The following PDE4B variants were observed in gnomAD, a reference collection of about 807,000 sequenced individuals.
The protein encoded by PDE4B is phosphodiesterase 4B, also known as 3',5'-cyclic-AMP phosphodiesterase 4B.
A neutral mutation model predicts 82.2 loss-of-function variants in PDE4B; 20 were observed. The ratio of observed to expected loss-of-function variants is 0.24; its 90% confidence interval spans 0.17 to 0.35. PDE4B has a LOEUF of 0.35. PDE4B is among the 10% of genes least tolerant of loss of function. The pLI, the probability that PDE4B is intolerant of heterozygous loss-of-function variation, is 1.00. For missense variants in PDE4B, 655 were observed against 907.2 expected (o/e 0.72, Z 3.57); for synonymous variants, 320 against 318.9 (o/e 1.00, Z -0.04).
intron 3 of PDE4B, among the ~76,000 whole-genome samples, chr1:65,991,373 G>A (rs537511694): frequency 6.6e-6 from 1 of 152,058 alleles, no homozygotes; most frequent in Non-Finnish European, 1.5e-5. Flanking sequence ...GAGCCACCAC[G>A]CTCAGCCCAA....
In PDE4B at chr1:66,304,735, C is replaced by T. The variant is rs898886775; in HGVS notation, c.635-27773C>T. ...GACCCAGTGAGGAGAATGGGGAAAG[C>T]AGGGACATACAGGGTTGGAAAATGT... On this transcript the variant is annotated intron_variant, in intron 7 of 16. Transcript: ENST00000341517. 2.0e-5 allele frequency among the ~76,000 whole-genome samples: 3 copies of T among 152,100 alleles called. No individual in the cohort carries two copies. The South Asian group carries it at 6.2e-4, about 32-fold the overall frequency.
intron 3 of PDE4B, among the ~76,000 whole-genome samples, chr1:65,989,288 GCCAGGAGTTTGAGA>G (rs1201491684): frequency 6.6e-6 from 1 of 152,040 alleles, no homozygotes; most frequent in African/African-American, 2.4e-5. Context: ...ATTACATGAG[GCCAGGAGTTTGAGA>G]CCAGCCTGGC....
At chr1:65,826,965 G>T (rs1280169175) in intron 1 of PDE4B, among the ~76,000 whole-genome samples, 1 of 152,130 alleles carries the variant, frequency 6.6e-6, no homozygotes, top group African/African-American at 2.4e-5. Context: ...TTTGAGAGAG[G>T]TGCAAAGGGA....
At chr1:66,161,266 C>T (rs1034304982) in intron 3 of PDE4B, among the ~76,000 whole-genome samples, 1 of 149,852 alleles carries the variant, frequency 6.7e-6, no homozygotes, top group Non-Finnish European at 1.5e-5. Flanking sequence ...CAGGTACAGG[C>T]GTCAAACCTG....
rs200925983 is a variant in PDE4B, at chr1:66,090,616, A to ATGTGTGTGTGTGTGT, written c.282-156844_282-156843insTGTGTGTGTGTGTGT. ...CAAAATTATATATATATATGTATAT[A>ATGTGTGTGTGTGTGT]ATATATGTGTGTGTGTGTGTGTGTA... On this transcript the variant is annotated intron_variant, in intron 3 of 16. Coordinates refer to ENST00000341517, the MANE Select transcript of PDE4B (RefSeq NM_002600.4). Among the ~76,000 whole-genome samples the ATGTGTGTGTGTGTGT allele has an allele frequency of 9.9e-4, 89 of 89,916 alleles. 2 individuals are homozygous for ATGTGTGTGTGTGTGT. The highest frequency in any genetic ancestry group is 9.8e-3 in the East Asian group (34 of 3,456). 59.0% of individuals were successfully genotyped at this position (89,916 alleles called of 152,430 possible). A position where few individuals can be genotyped will look rare whatever the true frequency, so the allele number is the denominator to read the frequency against.
intron 3 of PDE4B, among the ~76,000 whole-genome samples, chr1:66,033,427 C>CA (rs1223943914): frequency 6.6e-6 from 1 of 152,146 alleles, no homozygotes; most frequent in Non-Finnish European, 1.5e-5. Flanking sequence ...TTCATCCTGC[C>CA]ATATTGGCAC....
At chr1:66,284,643 G>A (rs1656540060) in intron 7 of PDE4B, among the ~76,000 whole-genome samples, 1 of 151,880 alleles carries the variant, frequency 6.6e-6, no homozygotes, top group African/African-American at 2.4e-5. Flanking sequence ...CACTCCTACT[G>A]GGCAACAAAA....
chr1:66,113,589 T>C (rs1252488710), intron 3 of PDE4B, among the ~76,000 whole-genome samples: 3 of 152,198 alleles, frequency 2.0e-5, no homozygotes, highest in Non-Finnish European at 4.4e-5. Flanking sequence ...ATTATAAAAA[T>C]GTATTATTGG....
intron 1 of PDE4B, among the ~76,000 whole-genome samples, chr1:65,822,332 G>A (rs1015052853): frequency 2.0e-5 from 3 of 152,028 alleles, no homozygotes; most frequent in African/African-American, 7.2e-5. Flanking sequence ...TTGGCCAGGT[G>A]CACATCTTTA....
chr1:65,913,435 G>A, intron 2 of PDE4B, 79 bp downstream of exon 2: 1 of 1,401,638 alleles, frequency 7.1e-7, no homozygotes, highest in South Asian at 1.2e-5. Flanking sequence ...AAGGGCAGCT[G>A]GGGGCATTTA....
intron 3 of PDE4B, among the ~76,000 whole-genome samples, chr1:66,169,264 T>G (rs1216646381): frequency 6.6e-6 from 1 of 152,160 alleles, no homozygotes; most frequent in Non-Finnish European, 1.5e-5. Context: ...GGGTTAATTG[T>G]GATTTCAGTG....
At chr1:66,292,660 T>G (rs1657169881) in intron 7 of PDE4B, among the ~76,000 whole-genome samples, 1 of 152,206 alleles carries the variant, frequency 6.6e-6, no homozygotes, top group African/African-American at 2.4e-5. Context: ...TCCATGATTT[T>G]GATCACTGTA....
At chr1:66,259,044 T>A (rs1189304655) in intron 6 of PDE4B, among the ~76,000 whole-genome samples, 3 of 152,188 alleles carry the variant, frequency 2.0e-5, no homozygotes, top group African/African-American at 7.2e-5. Context: ...TCAAGACAAA[T>A]TAATTTGATT....
At chr1:66,268,599 C>T (rs767143913) in intron 7 of PDE4B, among the ~76,000 whole-genome samples, 12 of 123,458 alleles carry the variant, frequency 9.7e-5, no homozygotes, top group East Asian at 2.7e-4. Context: ...ACCTGGGAGG[C>T]GGAGGTTGCA....
intron 8 of PDE4B, among the ~76,000 whole-genome samples, chr1:66,345,650 A>G (rs559804967): frequency 6.6e-6 from 1 of 152,306 alleles, no homozygotes; most frequent in African/African-American, 2.4e-5. Flanking sequence ...ACTTAATCTA[A>G]TTTGTCCAAG....
At chr1:66,078,473 G>C (rs930958670) in intron 3 of PDE4B, among the ~76,000 whole-genome samples, 1 of 152,064 alleles carries the variant, frequency 6.6e-6, no homozygotes, top group Non-Finnish European at 1.5e-5. Flanking sequence ...GTCTCCCAAA[G>C]TGCTGAGATT....
At chr1:66,153,395 C>A (rs1002597936) in intron 3 of PDE4B, among the ~76,000 whole-genome samples, 4 of 152,196 alleles carry the variant, frequency 2.6e-5, no homozygotes, top group African/African-American at 9.7e-5. Flanking sequence ...AGTAAAGCCT[C>A]CTTGCTCTGC....
chr1:66,217,031 T>G (rs766504311), intron 3 of PDE4B, among the ~76,000 whole-genome samples: 1 of 152,246 alleles, frequency 6.6e-6, no homozygotes, highest in South Asian at 2.1e-4. Flanking sequence ...CATCATCATG[T>G]CTGCTTCATT....
intron 1 of PDE4B, among the ~76,000 whole-genome samples, chr1:65,818,457 T>C (rs1291094732): frequency 6.6e-6 from 1 of 152,052 alleles, no homozygotes; most frequent in African/African-American, 2.4e-5. Flanking sequence ...TTTCCTTTAA[T>C]GGGCTCCCTT....
Sources: gnomAD v4.1 joint callset for allele counts (sites outside exome capture counted in the v4.1 genomes callset) on GRCh38, gnomAD v4.1.1 for gene constraint, MANE v1.5 for transcripts, NCBI Gene and HGNC (gene_info 2026-07-23, HGNC 2026-07-21) for gene names.